Variants in RERE observed in about 807,000 individuals in gnomAD.
RERE encodes arginine-glutamic acid dipeptide repeats, also known as arginine-glutamic acid dipeptide repeats protein.
A neutral mutation model predicts 146.1 loss-of-function variants in RERE; 40 were observed. That is an observed-to-expected ratio of 0.27 (90% confidence interval 0.21 to 0.36). RERE has a LOEUF of 0.36. Among genes scored for constraint, RERE ranks in the 10% least tolerant of loss-of-function variants. The pLI, the probability that RERE is intolerant of heterozygous loss-of-function variation, is 1.00. For missense variants in RERE, 1,933 were observed against 2,138.7 expected (o/e 0.90, Z 1.90); for synonymous variants, 1,003 against 866.0 (o/e 1.16, Z -2.78).
chr1:8,690,351 T>C (rs539048381), intron 1 of RERE, among the ~76,000 whole-genome samples: 8 of 152,308 alleles, frequency 5.3e-5, no homozygotes, highest in Non-Finnish European at 1.0e-4. Flanking sequence ...CATCTAAACC[T>C]AACTGCCTTC....
chr1:8,378,206 T>C (rs111387665), intron 12 of RERE, among the ~76,000 whole-genome samples: 1,941 of 152,328 alleles, frequency 0.013, 39 homozygotes, highest in African/African-American at 0.044. Flanking sequence ...CTTCAAGATG[T>C]GAAATGTCTC....
chr1:8,653,561 G>T (rs767394677), intron 2 of RERE, among the ~76,000 whole-genome samples: 1 of 152,022 alleles, frequency 6.6e-6, no homozygotes, highest in African/African-American at 2.4e-5. Context: ...TGGGCGCAGT[G>T]GTGGGCGCCT....
At chr1:8,682,553 T>A (rs1638994634) in intron 1 of RERE, among the ~76,000 whole-genome samples, 1 of 152,244 alleles carries the variant, frequency 6.6e-6, no homozygotes, top group South Asian at 2.1e-4. Flanking sequence ...TCTTGTTTTA[T>A]GAGTGTATTT....
intron 1 of RERE, among the ~76,000 whole-genome samples, chr1:8,681,381 A>G (rs2124396901): frequency 6.6e-6 from 1 of 152,336 alleles, no homozygotes; most frequent in South Asian, 2.1e-4. Context: ...TTTAGAAGCC[A>G]CAGCATACCT....
At chr1:8,397,357 C>A (rs1042450266) in intron 12 of RERE, among the ~76,000 whole-genome samples, 2 of 152,184 alleles carry the variant, frequency 1.3e-5, no homozygotes, top group Non-Finnish European at 2.9e-5. Flanking sequence ...ACTTTCACTA[C>A]GACTCTGAGG....
At chr1:8,392,018 C>T (rs1240995557) in intron 12 of RERE, among the ~76,000 whole-genome samples, 1 of 152,188 alleles carries the variant, frequency 6.6e-6, no homozygotes, top group African/African-American at 2.4e-5. Flanking sequence ...CAGAGTGAGA[C>T]TCTGCCTCAG....
At chr1:8,409,841 A>C (rs1643563101) in intron 12 of RERE, among the ~76,000 whole-genome samples, 1 of 152,098 alleles carries the variant, frequency 6.6e-6, no homozygotes, top group Admixed American at 6.6e-5. Context: ...CTCTCCCAGG[A>C]GCAAAGAGCC....
chr1:8,724,390 C>T (rs528647860), intron 1 of RERE, among the ~76,000 whole-genome samples: 25 of 152,152 alleles, frequency 1.6e-4, no homozygotes, highest in African/African-American at 6.0e-4. Context: ...TAAAACAAAA[C>T]GTGAGTAATA....
chr1:8,468,862 C>T (rs554750119), intron 10 of RERE, among the ~76,000 whole-genome samples: 5 of 150,518 alleles, frequency 3.3e-5, no homozygotes, highest in African/African-American at 1.2e-4. Flanking sequence ...CACCACTGCA[C>T]TACAAGTCCG....
intron 3 of RERE, 113 bp from the exon 4 acceptor site, chr1:8,614,799 T>G: frequency 8.5e-7 from 1 of 1,169,982 alleles, no homozygotes; most frequent in Non-Finnish European, 1.2e-6. Context: ...GCAGATGACC[T>G]CTGAAACCTC....
intron 11 of RERE, among the ~76,000 whole-genome samples, chr1:8,452,263 G>A (rs936723239): frequency 3.3e-5 from 5 of 152,172 alleles, no homozygotes; most frequent in East Asian, 1.9e-4. Context: ...TGAAGCAAAA[G>A]AGGCACTCAA....
At chr1:8,405,478 G>A (rs1256645186) in intron 12 of RERE, among the ~76,000 whole-genome samples, 1 of 152,102 alleles carries the variant, frequency 6.6e-6, no homozygotes, top group Non-Finnish European at 1.5e-5. Flanking sequence ...ATACAGATAA[G>A]TTTTAAATAG....
chr1:8,509,251 T>C (rs180711928), intron 7 of RERE, among the ~76,000 whole-genome samples: 23 of 152,240 alleles, frequency 1.5e-4, no homozygotes, highest in African/African-American at 5.1e-4. Context: ...CTGGCCCCTA[T>C]ACCATCATTC....
chr1:8,435,473 A>G (rs1182009055), intron 11 of RERE, among the ~76,000 whole-genome samples: 1 of 152,180 alleles, frequency 6.6e-6, no homozygotes, highest in Non-Finnish European at 1.5e-5. Flanking sequence ...CTCTTAATAT[A>G]TATTCACTGC....
At chr1:8,376,082 G>A (rs184956637) in intron 12 of RERE, among the ~76,000 whole-genome samples, 4 of 152,272 alleles carry the variant, frequency 2.6e-5, no homozygotes, top group Admixed American at 6.5e-5. Context: ...GAAGTCTAAC[G>A]CCCTTAACCT....
chr1:8,479,453 A>G (rs1644803503), intron 10 of RERE, among the ~76,000 whole-genome samples: 1 of 152,156 alleles, frequency 6.6e-6, no homozygotes, highest in Admixed American at 6.5e-5. Context: ...TTATTTGGGA[A>G]AAGGGTCTTT....
intron 2 of RERE, among the ~76,000 whole-genome samples, chr1:8,646,565 A>C (rs1346826779): frequency 6.6e-6 from 1 of 152,112 alleles, no homozygotes; most frequent in Non-Finnish European, 1.5e-5. Context: ...ACAAAAAAAA[A>C]ACAGGGTCAT....
At chr1:8,510,252 T>C (rs1334159443) in intron 7 of RERE, among the ~76,000 whole-genome samples, 4 of 151,136 alleles carry the variant, frequency 2.6e-5, no homozygotes, top group East Asian at 1.9e-4. Context: ...AGTACAAAAA[T>C]GTGAAGGGGA....
chr1:8,625,089 T>C (rs1301219423), intron 2 of RERE, among the ~76,000 whole-genome samples: 4 of 152,222 alleles, frequency 2.6e-5, no homozygotes, highest in African/African-American at 9.6e-5. Context: ...AAAATAATTT[T>C]TGATGCTCTC....
Sources: gnomAD v4.1 joint callset for allele counts (sites outside exome capture counted in the v4.1 genomes callset) on GRCh38, gnomAD v4.1.1 for gene constraint, MANE v1.5 for transcripts, NCBI Gene and HGNC (gene_info 2026-07-23, HGNC 2026-07-21) for gene names.